The following PLCB1 variants were observed in gnomAD, a reference collection of about 807,000 sequenced individuals.
The protein encoded by PLCB1 is 1-phosphatidylinositol 4,5-bisphosphate phosphodiesterase beta-1.
In PLCB1, 46 loss-of-function variants were observed where a neutral mutation model predicts 161.8. The observed-to-expected ratio is 0.28, with a 90% CI of 0.22 to 0.36. The LOEUF is 0.36. PLCB1 is among the 10% of genes least tolerant of loss of function. The probability of loss-of-function intolerance (pLI) is 1.00; values close to 1 mark genes in which losing one functional copy is unlikely to be tolerated. For missense variants in PLCB1, 1,016 were observed against 1,472.5 expected (o/e 0.69, Z 5.07); for synonymous variants, 517 against 503.7 (o/e 1.03, Z -0.35).
chr20:8,476,560 A>G (rs934324413), intron 3 of PLCB1, among the ~76,000 whole-genome samples: 1 of 152,242 alleles, frequency 6.6e-6, no homozygotes, highest in East Asian at 1.9e-4. Flanking sequence ...AAATATTTTA[A>G]TATAAAGCTT....
intron 3 of PLCB1, among the ~76,000 whole-genome samples, chr20:8,390,881 A>G (rs185402249): frequency 4.6e-5 from 7 of 151,926 alleles, no homozygotes. Flanking sequence ...TGTCTCTGAG[A>G]CTTAGTTTCT....
chr20:8,673,785 A>C (rs1990006971), intron 9 of PLCB1, among the ~76,000 whole-genome samples: 2 of 152,202 alleles, frequency 1.3e-5, no homozygotes, highest in Non-Finnish European at 2.9e-5. Flanking sequence ...GGGACAAAAT[A>C]ATCATTTTTT....
chr20:8,582,987 T>G (rs1313780296), intron 3 of PLCB1, among the ~76,000 whole-genome samples: 1 of 66,458 alleles, frequency 1.5e-5, no homozygotes, highest in African/African-American at 1.0e-4. Context: ...AGACTCCATC[T>G]CAAAAAAAAA....
At chr20:8,551,372 A>C (rs2122993249) in intron 3 of PLCB1, among the ~76,000 whole-genome samples, 1 of 152,322 alleles carries the variant, frequency 6.6e-6, no homozygotes, top group African/African-American at 2.4e-5. Context: ...CTTTGTGTTC[A>C]TTGATACTTA....
At chr20:8,722,909 C>G (rs912420156) in intron 15 of PLCB1, among the ~76,000 whole-genome samples, 1 of 152,120 alleles carries the variant, frequency 6.6e-6, no homozygotes, top group African/African-American at 2.4e-5. Context: ...GTTCCAGCTA[C>G]TAGGGAGGCT....
At chr20:8,570,030 C>G (rs1484862431) in intron 3 of PLCB1, among the ~76,000 whole-genome samples, 1 of 152,112 alleles carries the variant, frequency 6.6e-6, no homozygotes, top group Non-Finnish European at 1.5e-5. Context: ...CTGGTTGTTT[C>G]TCTTCACTCT....
chr20:8,321,026 A>C (rs919904371), intron 2 of PLCB1, among the ~76,000 whole-genome samples: 4 of 147,524 alleles, frequency 2.7e-5, no homozygotes, highest in African/African-American at 5.0e-5. Context: ...GAGATAAAGA[A>C]AGAAAGAGAG....
intron 2 of PLCB1, among the ~76,000 whole-genome samples, chr20:8,272,893 T>C (rs1982353872): frequency 6.6e-6 from 1 of 152,192 alleles, no homozygotes; most frequent in African/African-American, 2.4e-5. Context: ...ATGAATACTC[T>C]GCCATCGTTA....
At chr20:8,170,646 T>C (rs2051724178) in intron 2 of PLCB1, among the ~76,000 whole-genome samples, 1 of 152,146 alleles carries the variant, frequency 6.6e-6, no homozygotes, top group African/African-American at 2.4e-5. Flanking sequence ...GGGTATATAC[T>C]TGGTACATAG....
intron 1 of PLCB1, among the ~76,000 whole-genome samples, chr20:8,136,018 C>A (rs930164890): frequency 2.4e-4 from 37 of 152,266 alleles, no homozygotes; most frequent in African/African-American, 8.2e-4. Context: ...GTAAACTGTA[C>A]AATAGGACCC....
chr20:8,453,005 C>T (rs1183716919), intron 3 of PLCB1, among the ~76,000 whole-genome samples: 1 of 152,200 alleles, frequency 6.6e-6, no homozygotes, highest in East Asian at 1.9e-4. Context: ...TTATTTTAAA[C>T]GTAGGTACAA....
intron 3 of PLCB1, among the ~76,000 whole-genome samples, chr20:8,555,230 C>A (rs921520730): frequency 1.3e-5 from 2 of 152,066 alleles, no homozygotes; most frequent in African/African-American, 4.8e-5. Context: ...CACCAACCCT[C>A]ATATTCTTAA....
intron 2 of PLCB1, among the ~76,000 whole-genome samples, chr20:8,193,828 G>A (rs2051995499): frequency 6.6e-6 from 1 of 151,984 alleles, no homozygotes; most frequent in Non-Finnish European, 1.5e-5. Flanking sequence ...AGCTAGGTGT[G>A]GTTGAGGTCA....
At chr20:8,504,010 G>A (rs1036144906) in intron 3 of PLCB1, among the ~76,000 whole-genome samples, 4 of 152,102 alleles carry the variant, frequency 2.6e-5, no homozygotes, top group African/African-American at 9.7e-5. Flanking sequence ...AGAACACTCT[G>A]ACATCCTTAG....
intron 19 of PLCB1, among the ~76,000 whole-genome samples, chr20:8,736,231 C>G (rs1980575002): frequency 6.6e-6 from 1 of 152,194 alleles, no homozygotes; most frequent in Non-Finnish European, 1.5e-5. Context: ...TTTATGACAG[C>G]TGGTGGATAG....
chr20:8,160,844 T>G (rs1458674338), intron 2 of PLCB1, among the ~76,000 whole-genome samples: 1 of 152,162 alleles, frequency 6.6e-6, no homozygotes, highest in Non-Finnish European at 1.5e-5. Context: ...ACACACAAAA[T>G]ATTAAAATAA....
intron 3 of PLCB1, among the ~76,000 whole-genome samples, chr20:8,425,983 T>A (rs2122561548): frequency 6.6e-6 from 1 of 152,342 alleles, no homozygotes; most frequent in South Asian, 2.1e-4. Context: ...GGAAACCTGC[T>A]TAAGCTCACC....
intron 3 of PLCB1, among the ~76,000 whole-genome samples, chr20:8,516,912 G>C (rs925626835): frequency 6.6e-6 from 1 of 151,930 alleles, no homozygotes; most frequent in African/African-American, 2.4e-5. Context: ...AGGCTTTACA[G>C]TTCTTAGAGT....
chr20:8,739,725 A>G (rs1980774997), intron 21 of PLCB1, among the ~76,000 whole-genome samples: 1 of 152,222 alleles, frequency 6.6e-6, no homozygotes, highest in African/African-American at 2.4e-5. Context: ...TCTGGGGTCC[A>G]GGCTGAAGTG....
Sources: gnomAD v4.1 joint callset for allele counts (sites outside exome capture counted in the v4.1 genomes callset) on GRCh38, gnomAD v4.1.1 for gene constraint, MANE v1.5 for transcripts, NCBI Gene and HGNC (gene_info 2026-07-23, HGNC 2026-07-21) for gene names.